IFT52: variants seen among roughly 807,000 people sequenced by gnomAD.
IFT52 encodes the protein intraflagellar transport protein 52 homolog.
IFT52 carries 44 observed loss-of-function variants against 54.4 expected under a neutral mutation model. The ratio of observed to expected loss-of-function variants is 0.81; its 90% CI spans 0.63 to 1.04. The LOEUF is 1.04. IFT52 is among the 50% of genes least tolerant of loss of function. The pLI, the probability that IFT52 is intolerant of heterozygous loss-of-function variation, is 0.00. For synonymous variants in IFT52, 181 were observed against 185.3 expected, an observed-to-expected ratio of 0.98 and a Z score of 0.19; for missense variants, 452 against 523.6, an observed-to-expected ratio of 0.86 and a Z score of 1.33.
At chr20:43,622,717 A>C (rs1040988313) in intron 9 of IFT52, among the ~76,000 whole-genome samples, 2 of 146,710 alleles carry the variant, frequency 1.4e-5, no homozygotes, top group Non-Finnish European at 1.5e-5. Flanking sequence ...ACATATTTTT[A>C]TGTAAATATA....
intron 10 of IFT52, among the ~76,000 whole-genome samples, chr20:43,634,046 G>A (rs558764969): frequency 1.3e-5 from 2 of 151,834 alleles, no homozygotes; most frequent in South Asian, 2.1e-4. Context: ...GTGCACACTC[G>A]CTCGTAGTCC....
In IFT52 at chr20:43,605,025, A is replaced by G; in HGVS notation, c.437A>G (p.Lys146Arg). 2 of 1,613,710 alleles carry G rather than the reference A, an allele frequency of 1.2e-6. No homozygotes were observed. The highest frequency in any genetic ancestry group is 1.7e-6 in the Non-Finnish European group (2 of 1,179,804). The change falls in exon 6 of 14, where the codon AAG becomes AGG. Residue 146 changes from lysine (K) to arginine (R), a missense_variant. Physicochemically the swap from Lys to Arg is conservative, Grantham distance 26. Coordinates refer to ENST00000373030, the MANE Select transcript of IFT52 (RefSeq NM_016004.5). Reference sequence around the variant, plus strand: ...AGGGAAATTAGCCGAGCTGCAGGAAAGGCTGTGCCTGGGATCATTGATGAG... The same window carrying G: ...AGGGAAATTAGCCGAGCTGCAGGAAGGGCTGTGCCTGGGATCATTGATGAG... ...LNREISRAAG[K>R]AVPGIIDEES...
chr20:43,606,219 TAA>T (rs922807404), intron 6 of IFT52, among the ~76,000 whole-genome samples: 23 of 132,102 alleles, frequency 1.7e-4, no homozygotes, highest in African/African-American at 5.2e-4. Context: ...AGACTTCGTC[TAA>T]AAAAAAAAAA....
At chr20:43,600,855 C>G (rs369705135) in intron 3 of IFT52, among the ~76,000 whole-genome samples, 34 of 152,070 alleles carry the variant, frequency 2.2e-4, no homozygotes, top group African/African-American at 8.2e-4. Flanking sequence ...CCTGTAGTCA[C>G]AACTACTCAG....
intron 6 of IFT52, 155 bp downstream of exon 6, chr20:43,605,228 C>T: frequency 7.0e-7 from 1 of 1,428,056 alleles, no homozygotes; most frequent in South Asian, 1.3e-5. Context: ...TAAGTCCATG[C>T]TCCTCCCCCT....
intron 2 of IFT52, among the ~76,000 whole-genome samples, chr20:43,595,345 TC>T (rs1981863500): frequency 8.0e-6 from 1 of 124,322 alleles, no homozygotes; most frequent in South Asian, 2.5e-4. Context: ...AAAAGAAAGA[TC>T]AAGACCATCC....
intron 10 of IFT52, among the ~76,000 whole-genome samples, chr20:43,633,092 C>G (rs768347031): frequency 1.3e-5 from 2 of 152,200 alleles, no homozygotes; most frequent in Non-Finnish European, 2.9e-5. Context: ...CCTGTCAATC[C>G]CAGCACTTTG....
intron 1 of IFT52, 70 bp downstream of exon 1, chr20:43,591,124 C>G (rs907815944): frequency 6.6e-6 from 1 of 152,382 alleles, no homozygotes; most frequent in Non-Finnish European, 1.5e-5. Flanking sequence ...AGGGACTCGC[C>G]GCACTCTTCG....
chr20:43,610,865 C>T (rs938120298), intron 6 of IFT52, among the ~76,000 whole-genome samples: 1 of 152,178 alleles, frequency 6.6e-6, no homozygotes, highest in Non-Finnish European at 1.5e-5. Flanking sequence ...TCCTGATTCC[C>T]TCTCTTACTT....
intron 12 of IFT52, chr20:43,642,170 G>A (rs1028467399): frequency 1.6e-5 from 4 of 245,572 alleles, no homozygotes; most frequent in Non-Finnish European, 2.3e-5. Context: ...TGCATTCAGG[G>A]AATGATAATT....
chr20:43,624,040 CATCGAGTCAGT>C lies in IFT52; in HGVS notation c.920_923+7del. 6.2e-7 allele frequency: 1 copy of C among 1,614,096 alleles called. No homozygotes were observed. The highest frequency in any genetic ancestry group is 8.5e-7 in the Non-Finnish European group (1 of 1,179,980). ...TGGATACCACCTCCTTCCACAGCGT[CATCGAGTCAGT>C]ACCTGTGGGCCTCTGAGCCACACTG... On this transcript the variant is annotated splice_donor_variant and splice_donor_5th_base_variant and coding_sequence_variant and intron_variant, in exon 10 of 14. Coordinates refer to ENST00000373030, the MANE Select transcript of IFT52 (RefSeq NM_016004.5). LOFTEE classifies it high-confidence loss of function.
chr20:43,642,602 T>G lies in IFT52; in HGVS notation c.1244T>G (p.Val415Gly). ...CTTGAGCACGTCTTCTTCCAAGTGGTGGAGTTCAAGAAATTGAACCAGGTA... is the reference window on the plus strand; with the variant it reads ...CTTGAGCACGTCTTCTTCCAAGTGGGGGAGTTCAAGAAATTGAACCAGGTA... ...HILEHVFFQV[V>G]EFKKLNQEHD... Residue 415 changes from valine to glycine, a missense_variant, in exon 13 of 14, where the codon GTG (valine) becomes GGG (glycine). Val to Gly is a moderately radical substitution (Grantham distance 109, BLOSUM62 -3). Transcript: ENST00000373030. The G allele has an allele frequency of 6.2e-7, 1 of 1,614,094 alleles. No homozygotes were observed. Among genetic ancestry groups the G allele is most frequent in the Non-Finnish European group, 8.5e-7 (1 of 1,180,022 alleles).
chr20:43,627,179 A>T (rs867745643), intron 10 of IFT52, among the ~76,000 whole-genome samples: 85 of 152,048 alleles, frequency 5.6e-4, no homozygotes, highest in African/African-American at 2.1e-3. Context: ...AAAAAAAAAA[A>T]AAGAAAGGAA....
chr20:43,595,550 A>G (rs1981884938), intron 2 of IFT52, among the ~76,000 whole-genome samples: 2 of 152,052 alleles, frequency 1.3e-5, no homozygotes, highest in South Asian at 4.1e-4. Context: ...TCTGTCTAAA[A>G]AAATAAAAAA....
At chr20:43,611,903 A>G (rs1983480138) in intron 6 of IFT52, among the ~76,000 whole-genome samples, 1 of 151,666 alleles carries the variant, frequency 6.6e-6, no homozygotes, top group African/African-American at 2.4e-5. Context: ...GGTGGTGCAC[A>G]CCTGTAATCC....
intron 1 of IFT52, among the ~76,000 whole-genome samples, chr20:43,593,613 G>A (rs780751079): frequency 6.6e-6 from 1 of 152,132 alleles, no homozygotes; most frequent in Middle Eastern, 3.2e-3. Flanking sequence ...TGTTCTCCAG[G>A]CTGGAGTGCA....
In IFT52 at chr20:43,593,643, C is replaced by T. The variant is rs140056774; in HGVS notation, c.-6-1050C>T. The stretch of plus-strand genomic sequence containing the variant: ...AGTGCAGAGTGGCGTGATTGTGGCT[C>T]ACTGCAGCCTTAACCTCTTGGGCTC... On this transcript the variant is annotated intron_variant, in intron 1 of 13. Transcript: ENST00000373030. Among the ~76,000 whole-genome samples the T allele has an allele frequency of 7.9e-5, 12 of 152,228 alleles. No individual in the cohort carries two copies. In the East Asian group the frequency reaches 2.1e-3, roughly 27 times the overall value.
intron 1 of IFT52, among the ~76,000 whole-genome samples, chr20:43,592,650 ACT>A (rs1981624284): frequency 6.6e-6 from 1 of 152,080 alleles, no homozygotes; most frequent in Non-Finnish European, 1.5e-5. Flanking sequence ...ATGACAAAAA[ACT>A]CTTCTAAGTG....
At chr20:43,604,297 C>T (rs774749092) in intron 5 of IFT52, 39 bp downstream of exon 5, 14 of 1,421,360 alleles carry the variant, frequency 9.8e-6, no homozygotes, top group East Asian at 2.3e-5. Flanking sequence ...GGCAAGGCAT[C>T]GTCGCTCACA....
Sources: allele counts gnomAD v4.1 joint callset (sites outside exome capture counted in the v4.1 genomes callset), GRCh38; gene constraint gnomAD v4.1.1; transcripts MANE v1.5; gene names NCBI Gene and HGNC (gene_info 2026-07-23, HGNC 2026-07-21).